The following DLG2 variants were observed in gnomAD, a reference collection of about 807,000 sequenced individuals.
DLG2 encodes the protein disks large homolog 2.
DLG2 carries 45 observed loss-of-function variants against 132.5 expected under a neutral mutation model. The ratio of observed to expected loss-of-function variants is 0.34; its 90% CI spans 0.27 to 0.44. The LOEUF is 0.44. Ranked by LOEUF, DLG2 falls within the 20% of genes least tolerant of loss-of-function variation. The pLI is 1.00. For synonymous variants in DLG2, 424 were observed against 419.6 expected (o/e 1.01, Z -0.13); for missense variants, 1,045 against 1,196.9 (o/e 0.87, Z 1.87).
chr11:84,889,515 C>A (rs1462680405), intron 6 of DLG2, among the ~76,000 whole-genome samples: 1 of 152,036 alleles, frequency 6.6e-6, no homozygotes, highest in Admixed American at 6.6e-5. Flanking sequence ...AAACAGACAA[C>A]AGTATAGACA....
rs201267800 is a variant in DLG2 at position 85,574,038 on chromosome 11, TA to T, written c.40+24618del. 9.6e-3 allele frequency among the ~76,000 whole-genome samples: 1,451 copies of T among 151,836 alleles called. 20 individuals are homozygous for T. Among genetic ancestry groups the T allele is most frequent in the African/African-American group, 0.03 (1,251 of 41,432 alleles). On this transcript the variant is annotated intron_variant, in intron 3 of 27. Transcript: ENST00000376104. Reference sequence around the variant, plus strand: ...TTAATTTAAAAAAGGTAAAAGCTGATAAAAAAAAGCAGTGCTATATTCAACT... The same window carrying T: ...TTAATTTAAAAAAGGTAAAAGCTGATAAAAAAAGCAGTGCTATATTCAACT...
At chr11:84,213,454 T>A (rs1398006428) in intron 8 of DLG2, among the ~76,000 whole-genome samples, 1 of 152,140 alleles carries the variant, frequency 6.6e-6, no homozygotes, top group African/African-American at 2.4e-5. Context: ...AAGTATGAAC[T>A]AGTAGCATTG....
At chr11:83,910,198 T>C (rs1238957196) in intron 15 of DLG2, among the ~76,000 whole-genome samples, 1 of 152,110 alleles carries the variant, frequency 6.6e-6, no homozygotes, top group Admixed American at 6.5e-5. Flanking sequence ...AGCTCTGTAA[T>C]AGAGTATTTG....
intron 18 of DLG2, among the ~76,000 whole-genome samples, chr11:83,709,168 G>C (rs1185072264): frequency 2.0e-5 from 3 of 151,734 alleles, no homozygotes; most frequent in East Asian, 3.9e-4. Context: ...CATCAAGAAA[G>C]AATCTTTTTG....
intron 6 of DLG2, among the ~76,000 whole-genome samples, chr11:84,899,473 C>T (rs999434912): frequency 6.6e-6 from 1 of 152,002 alleles, no homozygotes; most frequent in African/African-American, 2.4e-5. Context: ...GCCCAAGGGA[C>T]CTCACCGTGC....
At chr11:83,630,035 C>T (rs1172455526) in intron 19 of DLG2, among the ~76,000 whole-genome samples, 2 of 152,012 alleles carry the variant, frequency 1.3e-5, no homozygotes, top group African/African-American at 2.4e-5. Flanking sequence ...TTAACATTAG[C>T]AATAATCAGT....
chr11:85,060,941 T>C (rs1273851245), intron 6 of DLG2, among the ~76,000 whole-genome samples: 1 of 151,676 alleles, frequency 6.6e-6, no homozygotes, highest in Middle Eastern at 3.2e-3. Context: ...TTAACAAGTG[T>C]GAAGTGATAT....
intron 6 of DLG2, among the ~76,000 whole-genome samples, chr11:84,974,302 T>C (rs566856927): frequency 6.0e-4 from 91 of 152,354 alleles, no homozygotes; most frequent in Middle Eastern, 3.4e-3. Flanking sequence ...TCAAACTTAC[T>C]GGCATATGGT....
intron 18 of DLG2, among the ~76,000 whole-genome samples, chr11:83,639,271 G>A (rs1194413587): frequency 6.6e-6 from 1 of 152,180 alleles, no homozygotes. Context: ...ATGATTGCCA[G>A]ATAAGAGGAA....
At chr11:84,634,520 G>T (rs906252082) in intron 6 of DLG2, among the ~76,000 whole-genome samples, 14 of 152,158 alleles carry the variant, frequency 9.2e-5, no homozygotes, top group Admixed American at 4.6e-4. Flanking sequence ...ATGCCAAGCT[G>T]TAAACAATCC....
At chr11:84,234,939 TAA>T (rs1223590284) in intron 8 of DLG2, among the ~76,000 whole-genome samples, 1 of 152,244 alleles carries the variant, frequency 6.6e-6, no homozygotes, top group Non-Finnish European at 1.5e-5. Context: ...GAGAATTAAC[TAA>T]GAGTCTGGCA....
At chr11:83,571,392 C>G (rs1181049921) in intron 19 of DLG2, among the ~76,000 whole-genome samples, 1 of 151,764 alleles carries the variant, frequency 6.6e-6, no homozygotes, top group Non-Finnish European at 1.5e-5. Flanking sequence ...TATGAACTTT[C>G]AAATCTTTTT....
At chr11:85,492,779 A>C (rs1370237745) in intron 3 of DLG2, among the ~76,000 whole-genome samples, 1 of 152,206 alleles carries the variant, frequency 6.6e-6, no homozygotes, top group Non-Finnish European at 1.5e-5. Context: ...CCTTAAAAGG[A>C]TAAACAATGA....
intron 18 of DLG2, among the ~76,000 whole-genome samples, chr11:83,667,551 T>C (rs1442035531): frequency 6.6e-6 from 1 of 152,188 alleles, no homozygotes; most frequent in African/African-American, 2.4e-5. Context: ...CGGTAGTTGG[T>C]CCAAAAATGC....
At chr11:84,686,638 T>G (rs564234807) in intron 6 of DLG2, among the ~76,000 whole-genome samples, 5 of 150,236 alleles carry the variant, frequency 3.3e-5, no homozygotes, top group Admixed American at 1.3e-4. Context: ...AGGTTTTTTT[T>G]TTTTTTTTTT....
chr11:84,502,921 C>T (rs2099225628), intron 7 of DLG2, among the ~76,000 whole-genome samples: 3 of 151,992 alleles, frequency 2.0e-5, no homozygotes, highest in Admixed American at 1.3e-4. Context: ...AGAGGAAATG[C>T]TACATGGAGA....
At chr11:84,161,260 T>C (rs941985204) in intron 9 of DLG2, among the ~76,000 whole-genome samples, 3 of 151,924 alleles carry the variant, frequency 2.0e-5, no homozygotes, top group African/African-American at 7.3e-5. Context: ...GACCAGGTAA[T>C]ACATGCTAGG....
At chr11:83,885,286 A>T (rs958558665) in intron 15 of DLG2, among the ~76,000 whole-genome samples, 4 of 152,256 alleles carry the variant, frequency 2.6e-5, no homozygotes, top group Non-Finnish European at 5.9e-5. Context: ...AGGCTCGAGA[A>T]CTACGTGAAG....
At chr11:84,535,944 T>C (rs923702241) in intron 6 of DLG2, among the ~76,000 whole-genome samples, 2 of 151,658 alleles carry the variant, frequency 1.3e-5, no homozygotes, top group African/African-American at 4.9e-5. Context: ...ATGGTTAATT[T>C]TTTCATATAC....
Sources: allele counts gnomAD v4.1 joint callset (sites outside exome capture counted in the v4.1 genomes callset), GRCh38; gene constraint gnomAD v4.1.1; transcripts MANE v1.5; gene names NCBI Gene and HGNC (gene_info 2026-07-23, HGNC 2026-07-21).